ASH1L: variants seen among roughly 807,000 people sequenced by gnomAD.
ASH1L encodes histone-lysine N-methyltransferase ASH1L.
In ASH1L, 23 loss-of-function variants were observed where a neutral mutation model predicts 269.0. The ratio of observed to expected loss-of-function variants is 0.09; its 90% confidence interval spans 0.06 to 0.12. The LOEUF is 0.12. Ranked by LOEUF, ASH1L falls within the 10% of genes least tolerant of loss-of-function variation. ASH1L has a pLI of 1.00. For missense variants in ASH1L, 2,912 were observed against 3,567.8 expected (o/e 0.82, Z 4.68); for synonymous variants, 1,187 against 1,253.5 (o/e 0.95, Z 1.12).
intron 4 of ASH1L, among the ~76,000 whole-genome samples, chr1:155,458,140 G>A (rs1270570593): frequency 6.6e-6 from 1 of 152,154 alleles, no homozygotes; most frequent in African/African-American, 2.4e-5. Flanking sequence ...GAGTACAAAA[G>A]TCTCTCCATG....
chr1:155,502,005 T>C (rs988611465), intron 2 of ASH1L, among the ~76,000 whole-genome samples: 10 of 151,770 alleles, frequency 6.6e-5, no homozygotes, highest in Non-Finnish European at 1.5e-4. Flanking sequence ...TATATATTTT[T>C]AGCAAATGAG....
Position 155,478,328 on chromosome 1 carries a change from C to T in ASH1L, c.4542G>A (p.Leu1514=). The T allele has an allele frequency of 6.2e-7, 1 of 1,614,034 alleles. No individual in the cohort carries two copies. Among genetic ancestry groups the T allele is most frequent in the Non-Finnish European group, 8.5e-7 (1 of 1,180,022 alleles). The change falls in exon 3 of 28, where the codon TTG becomes TTA. Residue 1514 remains leucine (L), a synonymous_variant. Coordinates refer to ENST00000392403, the MANE Select transcript of ASH1L (RefSeq NM_018489.3). The surrounding 1 kb of genome is among the most constrained non-coding windows in gnomAD (Gnocchi z 4.6). ...CATCCTTTCCAAATCTATAGCGCTT[C>T]AAAGATTCCAGGACAGATCGGGAAG... is the stretch of plus-strand genomic sequence containing the variant. ...TGSSRSVLES[L]KRYRFGKDAV... is the part of the protein sequence containing the mutation.
intron 2 of ASH1L, among the ~76,000 whole-genome samples, chr1:155,510,349 G>T (rs1668086985): frequency 6.7e-6 from 1 of 148,930 alleles, no homozygotes; most frequent in Non-Finnish European, 1.5e-5. Flanking sequence ...GGGAGGCGGA[G>T]GTTGTAGTGA....
chr1:155,393,217 C>T (rs1465793564), intron 7 of ASH1L, among the ~76,000 whole-genome samples: 1 of 152,116 alleles, frequency 6.6e-6, no homozygotes, highest in African/African-American at 2.4e-5. Context: ...AAATCTGTCT[C>T]CAGCCACCCA....
At chr1:155,521,973 A>G (rs1668916036) in intron 1 of ASH1L, among the ~76,000 whole-genome samples, 1 of 152,008 alleles carries the variant, frequency 6.6e-6, no homozygotes, top group Admixed American at 6.6e-5. Flanking sequence ...TATATTCCCC[A>G]CTCTTCTGCT....
In ASH1L at chr1:155,347,854, T is replaced by C. The variant is rs768411048; in HGVS notation, c.7605A>G (p.Arg2535=). 6.2e-7 allele frequency: 1 copy of C among 1,614,252 alleles called. No individual in the cohort carries two copies. Among genetic ancestry groups the C allele is most frequent in the Middle Eastern group, 1.6e-4 (1 of 6,062 alleles). ...CATGCCGGGCATTGTAATAGGCCTT[T>C]CGTAGACGACAAACATCTCTCCCAA... ...SPVGRDVCRL[R]KAYYNARHEA... is the part of the protein sequence containing the mutation. Residue 2535 remains arginine, a synonymous_variant, in exon 20 of 28, where the codon CGA becomes CGG. Transcript: ENST00000392403.
chr1:155,406,028 A>T (rs1659254008), intron 6 of ASH1L, among the ~76,000 whole-genome samples: 1 of 151,252 alleles, frequency 6.6e-6, no homozygotes, highest in Non-Finnish European at 1.5e-5. Flanking sequence ...ACATGGCAAA[A>T]CCCTGGATCT....
intron 2 of ASH1L, 90 bp downstream of exon 2, chr1:155,521,010 C>A: frequency 7.4e-7 from 1 of 1,345,674 alleles, no homozygotes. Context: ...AGATTAAAAT[C>A]AAACTCCCGG....
At chr1:155,495,837 A>C (rs1667115256) in intron 2 of ASH1L, among the ~76,000 whole-genome samples, 1 of 152,128 alleles carries the variant, frequency 6.6e-6, no homozygotes, top group African/African-American at 2.4e-5. Context: ...GTTTCTACTA[A>C]AAATACAAAA....
At chr1:155,520,373 AAAAAAAAAAAAG>A (rs1668800936) in intron 2 of ASH1L, 1 of 154,328 alleles carries the variant, frequency 6.5e-6, no homozygotes, top group African/African-American at 2.4e-5. Context: ...AAAAAAAAAA[AAAAAAAAAAAAG>A]AAAGAAAGAA....
chr1:155,392,908 G>C (rs1339408050), intron 7 of ASH1L, among the ~76,000 whole-genome samples: 1 of 150,608 alleles, frequency 6.6e-6, no homozygotes, highest in African/African-American at 2.4e-5. Context: ...GGGTGATCTT[G>C]AACTCCTGGA....
chr1:155,487,959 C>T (rs1330061475), intron 2 of ASH1L, among the ~76,000 whole-genome samples: 1 of 151,250 alleles, frequency 6.6e-6, no homozygotes, highest in Non-Finnish European at 1.5e-5. Flanking sequence ...GCCATCTCGG[C>T]TCACTGCAAC....
At chr1:155,464,053 G>A (rs190102159) in intron 3 of ASH1L, among the ~76,000 whole-genome samples, 1 of 152,126 alleles carries the variant, frequency 6.6e-6, no homozygotes, top group African/African-American at 2.4e-5. Context: ...ACCAGAAGAC[G>A]TCTGGCTTTC....
intron 4 of ASH1L, 67 bp from the exon 5 acceptor site, chr1:155,439,135 C>T (rs1424051740): frequency 2.7e-6 from 4 of 1,484,234 alleles, no homozygotes; most frequent in Non-Finnish European, 2.7e-6. Flanking sequence ...TAAGTTTTTA[C>T]ACAGATAAAA....
chr1:155,477,993 T>C lies in ASH1L; in HGVS notation c.4877A>G (p.Lys1626Arg). 1 of 1,614,206 alleles carries C rather than the reference T, an allele frequency of 6.2e-7. No individual in the cohort carries two copies. Among genetic ancestry groups the C allele is most frequent in the Non-Finnish European group, 8.5e-7 (1 of 1,180,038 alleles). ...AAAGAGTCCAGGGCTGTCAGTTAAT[T>C]TCTTCCGGCCACTGGAGTTAGGGTT... is the stretch of plus-strand genomic sequence containing the variant. ...VSNPNSSGRKKLTDSPGLFSA... is the reference protein window; with the variant it reads ...VSNPNSSGRKRLTDSPGLFSA... Residue 1626 changes from lysine to arginine, a missense_variant, in exon 3 of 28, where the codon AAA becomes AGA. Coordinates refer to ENST00000392403, the MANE Select transcript of ASH1L (RefSeq NM_018489.3).
In ASH1L at chr1:155,502,700, G is replaced by T. The variant is rs565890712; in HGVS notation, c.420+18400C>A. Among the ~76,000 whole-genome samples, 6 of 152,174 alleles carry T rather than the reference G, an allele frequency of 3.9e-5. 1 individual carries two copies. The highest frequency in any genetic ancestry group is 7.3e-5 in the Non-Finnish European group (5 of 68,046). On this transcript the variant is annotated intron_variant, in intron 2 of 27. Coordinates refer to ENST00000392403, the MANE Select transcript of ASH1L (RefSeq NM_018489.3). Reference sequence around the variant, plus strand: ...AACCTCCTAGAAAGGTTCAGGGAACGTTTCACAGAATTGGGGGATGTCTAA... The same window carrying T: ...AACCTCCTAGAAAGGTTCAGGGAACTTTTCACAGAATTGGGGGATGTCTAA...
chr1:155,346,237 C>T, intron 21 of ASH1L, 146 bp downstream of exon 21: 2 of 1,554,006 alleles, frequency 1.3e-6, no homozygotes, highest in Non-Finnish European at 8.8e-7. Context: ...AATTATGACC[C>T]TTAATGTAAA....
intron 2 of ASH1L, among the ~76,000 whole-genome samples, chr1:155,488,663 T>C: frequency 2.2e-5 from 2 of 91,344 alleles, no homozygotes; most frequent in Non-Finnish European, 2.0e-5. Flanking sequence ...AGCAAGACTC[T>C]GTCACAAAAA....
intron 13 of ASH1L, 115 bp downstream of exon 13, chr1:155,360,186 A>G: frequency 4.2e-6 from 3 of 709,394 alleles, no homozygotes; most frequent in Non-Finnish European, 7.3e-6. Flanking sequence ...CACTGTGTCC[A>G]GCCTCCCACA....
Sources: gnomAD v4.1 joint callset for allele counts (sites outside exome capture counted in the v4.1 genomes callset) on GRCh38, gnomAD v4.1.1 for gene constraint, Gnocchi (gnomAD v3.1) non-coding constraint, MANE v1.5 for transcripts, NCBI Gene and HGNC (gene_info 2026-07-23, HGNC 2026-07-21) for gene names.